PALLD: variants seen among roughly 807,000 people sequenced by gnomAD.
The protein encoded by PALLD is palladin.
In PALLD, 61 loss-of-function variants were observed where a neutral mutation model predicts 123.5. The observed-to-expected ratio is 0.49, with a 90% CI of 0.40 to 0.61. The LOEUF is 0.61. Ranked by LOEUF, PALLD falls within the 20% of genes least tolerant of loss-of-function variation. PALLD has a pLI of 0.00. For synonymous variants in PALLD, 465 were observed against 496.4 expected, an observed-to-expected ratio of 0.94 and a Z score of 0.84; for missense variants, 1,273 against 1,377.0, an observed-to-expected ratio of 0.92 and a Z score of 1.20.
chr4:168,890,041 T>C (rs188955342), intron 10 of PALLD, among the ~76,000 whole-genome samples: 95 of 152,342 alleles, frequency 6.2e-4, no homozygotes, highest in African/African-American at 2.2e-3. Flanking sequence ...CATTTCCCCA[T>C]TGCTTAGTAT....
chr4:168,625,500 G>GATATATATATATATATATATAT (rs1554052783), intron 2 of PALLD, among the ~76,000 whole-genome samples: 14 of 35,248 alleles, frequency 4.0e-4, no homozygotes, highest in African/African-American at 1.1e-3. Flanking sequence ...TAATATCCAG[G>GATATATATATATATATATATAT]AGATATATAT....
chr4:168,845,498 T>C (rs1462110524), intron 10 of PALLD, among the ~76,000 whole-genome samples: 1 of 152,204 alleles, frequency 6.6e-6, no homozygotes, highest in Non-Finnish European at 1.5e-5. Context: ...ATGACAGCTA[T>C]TTATATAGCC....
chr4:168,516,360 T>C (rs1024702688), intron 2 of PALLD, among the ~76,000 whole-genome samples: 5 of 152,170 alleles, frequency 3.3e-5, no homozygotes, highest in Non-Finnish European at 7.4e-5. Flanking sequence ...TTCCCTGTTC[T>C]CTCCACTCTT....
At chr4:168,799,521 T>C (rs2150669898) in intron 10 of PALLD, among the ~76,000 whole-genome samples, 1 of 152,298 alleles carries the variant, frequency 6.6e-6, no homozygotes, top group Non-Finnish European at 1.5e-5. Context: ...ATTCAGATAA[T>C]GAATTTGGGA....
chr4:168,764,491 C>T (rs1465039020), intron 10 of PALLD, among the ~76,000 whole-genome samples: 1 of 152,118 alleles, frequency 6.6e-6, no homozygotes, highest in Non-Finnish European at 1.5e-5. Context: ...AGTCATAGCA[C>T]ACTACGGCCT....
chr4:168,759,197 AAAAAAATATATATATATATATATAT>A (rs1340244103), intron 10 of PALLD, among the ~76,000 whole-genome samples: 1 of 30,730 alleles, frequency 3.3e-5, no homozygotes, highest in Non-Finnish European at 6.1e-5. Context: ...AAAAAAAAAA[AAAAAAATATATATATATATATATAT>A]ATATATATAT....
chr4:168,804,931 C>T (rs559329305), intron 10 of PALLD, among the ~76,000 whole-genome samples: 11 of 152,034 alleles, frequency 7.2e-5, no homozygotes, highest in South Asian at 2.1e-4. Context: ...GAGGCCAAGG[C>T]GGGCAGATCA....
At chr4:168,737,412 T>G (rs1169305040) in intron 10 of PALLD, among the ~76,000 whole-genome samples, 1 of 152,152 alleles carries the variant, frequency 6.6e-6, no homozygotes, top group Non-Finnish European at 1.5e-5. Flanking sequence ...TAAGGCACAT[T>G]AGAAGAAAAT....
chr4:168,500,332 T>C (rs768109710), intron 1 of PALLD, among the ~76,000 whole-genome samples: 1 of 152,180 alleles, frequency 6.6e-6, no homozygotes, highest in Non-Finnish European at 1.5e-5. Flanking sequence ...CCTTGATTCA[T>C]GGGGATCATG....
At chr4:168,718,852 G>A (rs1400426988) in intron 10 of PALLD, among the ~76,000 whole-genome samples, 1 of 151,050 alleles carries the variant, frequency 6.6e-6, no homozygotes, top group African/African-American at 2.4e-5. Context: ...TTAAGTGATT[G>A]TATATATTTA....
intron 10 of PALLD, among the ~76,000 whole-genome samples, chr4:168,768,578 AG>A (rs1191681328): frequency 1.3e-5 from 2 of 152,260 alleles, no homozygotes; most frequent in Non-Finnish European, 1.5e-5. Context: ...GTTTTTATTC[AG>A]CATGTGTCAC....
intron 10 of PALLD, among the ~76,000 whole-genome samples, chr4:168,849,286 A>C (rs1277225223): frequency 6.6e-6 from 1 of 152,214 alleles, no homozygotes; most frequent in East Asian, 1.9e-4. Context: ...CTTTCTGTTA[A>C]AGACTCAGGG....
At chr4:168,597,005 T>G (rs1772055944) in intron 2 of PALLD, among the ~76,000 whole-genome samples, 1 of 151,904 alleles carries the variant, frequency 6.6e-6, no homozygotes, top group Admixed American at 6.6e-5. Flanking sequence ...GGAAAAAAAA[T>G]TACGCCATAA....
chr4:168,559,062 C>T (rs1580312066), intron 2 of PALLD, among the ~76,000 whole-genome samples: 1 of 152,182 alleles, frequency 6.6e-6, no homozygotes, highest in Non-Finnish European at 1.5e-5. Context: ...CATGAAATCT[C>T]CCCCTTTTAA....
chr4:168,511,972 G>C lies in PALLD; in HGVS notation c.468G>C (p.Thr156=), dbSNP rs146108255. The change falls in exon 2 of 22, where the codon ACG becomes ACC. Residue 156 remains threonine, a synonymous_variant. Coordinates refer to ENST00000505667, the MANE Select transcript of PALLD (RefSeq NM_001166108.2). ...CCAGCACAAACGTAAAGCCCAAAAC[G>C]CCACATCAAAGAAAGGGTGGCCCCC... The part of the protein sequence containing the change: ...KTPSTNVKPK[T]PHQRKGGPQS... 1 of 1,614,032 alleles carries C rather than the reference G, an allele frequency of 6.2e-7. No homozygotes were observed. Among genetic ancestry groups the C allele is most frequent in the Non-Finnish European group, 8.5e-7 (1 of 1,180,020 alleles).
At chr4:168,729,662 C>T (rs1194403815) in intron 10 of PALLD, among the ~76,000 whole-genome samples, 1 of 152,152 alleles carries the variant, frequency 6.6e-6, no homozygotes, top group Non-Finnish European at 1.5e-5. Context: ...CCCTCTTCTT[C>T]TCCTGGCTCC....
intron 10 of PALLD, among the ~76,000 whole-genome samples, chr4:168,740,561 A>G (rs979652728): frequency 1.3e-5 from 2 of 152,192 alleles, no homozygotes; most frequent in Non-Finnish European, 2.9e-5. Context: ...CTTTCAGAAT[A>G]ATTAAGCCTG....
intron 10 of PALLD, among the ~76,000 whole-genome samples, chr4:168,770,403 C>T (rs559416622): frequency 6.6e-6 from 1 of 152,248 alleles, no homozygotes; most frequent in Non-Finnish European, 1.5e-5. Context: ...CTGAACTGCA[C>T]CCGTGGGTAG....
chr4:168,790,536 T>G (rs187873967), intron 10 of PALLD, among the ~76,000 whole-genome samples: 97 of 152,312 alleles, frequency 6.4e-4, no homozygotes, highest in Non-Finnish European at 8.5e-4. Flanking sequence ...AGATTGAAAT[T>G]TATTTTTCCC....
Sources: gnomAD v4.1 joint callset for allele counts (sites outside exome capture counted in the v4.1 genomes callset) on GRCh38, gnomAD v4.1.1 for gene constraint, MANE v1.5 for transcripts, NCBI Gene and HGNC (gene_info 2026-07-23, HGNC 2026-07-21) for gene names.